FCGRT: variants seen among roughly 807,000 people sequenced by gnomAD.
FCGRT encodes IgG receptor FcRn large subunit p51.
A neutral mutation model predicts 35.7 loss-of-function variants in FCGRT; 13 were observed. That is an observed-to-expected ratio of 0.36 (90% CI 0.24 to 0.58). The LOEUF (loss-of-function observed/expected upper bound fraction) is 0.58, where lower values mean the gene tolerates loss of function less well. Among genes scored for constraint, FCGRT ranks in the 20% least tolerant of loss-of-function variants. The probability of loss-of-function intolerance (pLI) is 0.77; values close to 1 mark genes in which losing one functional copy is unlikely to be tolerated. For synonymous variants in FCGRT, 233 were observed against 216.5 expected (o/e 1.08, Z -0.67); for missense variants, 455 against 474.9 (o/e 0.96, Z 0.39).
At chr19:49,513,209 A>T in intron 1 of FCGRT, 178 bp from the exon 2 acceptor site, 1 of 390,294 alleles carries the variant, frequency 2.6e-6, no homozygotes, top group Non-Finnish European at 4.5e-6. Flanking sequence ...TTAATTAACC[A>T]ACTGAGATCC....
In FCGRT at chr19:49,524,964, C is replaced by T. The variant is rs145726656; in HGVS notation, c.871+188C>T. On this transcript the variant is annotated intron_variant, in intron 5 of 6. Coordinates refer to ENST00000221466, the MANE Select transcript of FCGRT (RefSeq NM_001136019.3). ...GTCCTTCCCAAGGCCAACTGCCTTC[C>T]GTCTCCTGCTGCTTCTGGCCTCACT... is the stretch of plus-strand genomic sequence containing the variant. 5,634 of 705,606 alleles carry T rather than the reference C, an allele frequency of 8.0e-3. 244 individuals carry two copies. Among genetic ancestry groups the T allele is most frequent in the Admixed American group, 0.068 (3,368 of 49,660 alleles). 43.7% of individuals were successfully genotyped at this position (705,606 alleles called of 1,614,324 possible). A position where few individuals can be genotyped will look rare whatever the true frequency, so the allele number is the denominator to read the frequency against.
At chr19:49,525,948 G>A (rs866158230) in intron 6 of FCGRT, 62 bp from the exon 7 acceptor site, 6 of 987,582 alleles carry the variant, frequency 6.1e-6, no homozygotes, top group Admixed American at 1.7e-5. Flanking sequence ...AATGGGGGAC[G>A]CCAGTCAGAC....
In FCGRT at chr19:49,526,194, G is replaced by A; in HGVS notation, c.*75G>A. 1 of 954,610 alleles carries A rather than the reference G, an allele frequency of 1.0e-6. No individual in the cohort carries two copies. The allele number at this position is 954,610 out of a possible 1,614,324, so 59.1% of individuals were successfully genotyped here. ...TGCTGTGAGACCTCCTGGAACACTG[G>A]CATCTCTGAGCCTCCAGAAGGGGTT... On this transcript the variant is annotated 3_prime_UTR_variant, in exon 7 of 7. Transcript: ENST00000221466.
chr19:49,526,146 C>T lies in FCGRT; in HGVS notation c.*27C>T, dbSNP rs956765981. The T allele has an allele frequency of 6.9e-7, 1 of 1,442,656 alleles. No homozygotes were observed. The highest frequency in any genetic ancestry group is 9.8e-7 in the Non-Finnish European group (1 of 1,023,844). 89.4% of individuals were successfully genotyped at this position (1,442,656 alleles called of 1,614,324 possible). A position where few individuals can be genotyped will look rare whatever the true frequency, so the allele number is the denominator to read the frequency against. The stretch of plus-strand genomic sequence containing the variant: ...CATCCGCCATTCCGACTGCTAAAAG[C>T]GAATGTAGTCAGGCCCCTTTCATGC... On this transcript the variant is annotated 3_prime_UTR_variant, in exon 7 of 7. Coordinates refer to ENST00000221466, the MANE Select transcript of FCGRT (RefSeq NM_001136019.3).
At chr19:49,522,459 T>C (rs1472442832) in intron 4 of FCGRT, among the ~76,000 whole-genome samples, 1 of 151,912 alleles carries the variant, frequency 6.6e-6, no homozygotes, top group Non-Finnish European at 1.5e-5. Flanking sequence ...TTTGAGACAG[T>C]CTTGCTCTGT....
At chr19:49,522,924 C>T (rs2080050721) in intron 4 of FCGRT, among the ~76,000 whole-genome samples, 1 of 151,666 alleles carries the variant, frequency 6.6e-6, no homozygotes, top group African/African-American at 2.4e-5. Context: ...ACTACAGGCG[C>T]CGGCCACCAC....
chr19:49,522,135 A>G (rs2080044785), intron 4 of FCGRT, among the ~76,000 whole-genome samples: 1 of 148,842 alleles, frequency 6.7e-6, no homozygotes, highest in South Asian at 2.1e-4. Flanking sequence ...CAGTGGCTAT[A>G]CCCAGGTGTG....
In FCGRT at chr19:49,525,548, G is replaced by C. The variant is rs1187807513; in HGVS notation, c.963G>C (p.Trp321Cys). 6.2e-7 allele frequency: 1 copy of C among 1,613,226 alleles called. No homozygotes were observed. The highest frequency in any genetic ancestry group is 1.1e-5 in the South Asian group (1 of 91,034). Residue 321 changes from tryptophan to cysteine, a missense_variant, in exon 6 of 7, where the codon TGG becomes TGC. By Grantham distance (215) the Trp-to-Cys change is radical. Coordinates refer to ENST00000221466, the MANE Select transcript of FCGRT (RefSeq NM_001136019.3). ...CGGCTGTAGGAGGAGCTCTGTTGTG[G>C]AGAAGGATGAGGAGTGGGCTGCCAG... ...TAAAVGGALL[W>C]RRMRSGLPAP...
intron 4 of FCGRT, 89 bp from the exon 5 acceptor site, chr19:49,524,418 A>G (rs2080060165): frequency 2.1e-6 from 3 of 1,418,102 alleles, no homozygotes; most frequent in Middle Eastern, 2.4e-4. Context: ...GCACAGTGCA[A>G]ACATGGAGGC....
At position 49,524,531 on chromosome 19, in the gene FCGRT, C is replaced by T. The variant is rs1401612604; in HGVS notation, c.626C>T (p.Ala209Val). 2.5e-6 allele frequency: 4 copies of T among 1,610,330 alleles called. No homozygotes were observed. The highest frequency in any genetic ancestry group is 3.4e-6 in the Non-Finnish European group (4 of 1,177,376). ...GAGCCCCCCTCCATGCGCCTGAAGG[C>T]CCGACCCAGCAGCCCTGGCTTTTCC... ...WKEPPSMRLK[A>V]RPSSPGFSVL... Residue 209 changes from alanine (A) to valine (V), a missense_variant, in exon 5 of 7, where the codon GCC (alanine) becomes GTC (valine). Physicochemically the swap from Ala to Val is moderately conservative, Grantham distance 64. Around this residue, in one of 3 missense-constraint regions of FCGRT, gnomAD observed 312 missense variants for 296.1 expected, o/e 1.05. Coordinates refer to ENST00000221466, the MANE Select transcript of FCGRT (RefSeq NM_001136019.3).
chr19:49,513,315 G>T (rs2122658714), intron 1 of FCGRT, 72 bp from the exon 2 acceptor site: 2 of 723,538 alleles, frequency 2.8e-6, no homozygotes, highest in East Asian at 3.4e-5. Context: ...GGTCCCGGCC[G>T]TGCCCGCGGT....
chr19:49,525,700 C>G (rs1385835050), intron 6 of FCGRT, 127 bp downstream of exon 6: 10 of 705,236 alleles, frequency 1.4e-5, no homozygotes, highest in Admixed American at 4.5e-5. Flanking sequence ...GAGACAGAAA[C>G]CCAGAGATGG....
chr19:49,517,306 C>G (rs762441391), intron 4 of FCGRT, among the ~76,000 whole-genome samples: 1 of 152,118 alleles, frequency 6.6e-6, no homozygotes, highest in Non-Finnish European at 1.5e-5. Context: ...GCCTGGCCAA[C>G]AGAGTGAAAC....
intron 4 of FCGRT, 105 bp from the exon 5 acceptor site, chr19:49,524,402 C>T: frequency 9.7e-6 from 12 of 1,233,032 alleles, no homozygotes; most frequent in African/African-American, 3.0e-5. Flanking sequence ...GTATTATCTG[C>T]GGTTAGCACA....
At position 49,513,422 on chromosome 19, in the gene FCGRT, C is replaced by T; in HGVS notation, c.22C>T (p.Pro8Ser). MGVPRPQ[P>S]WALGLLLFLL... Reference sequence around the variant, plus strand: ...CAGCATGGGGGTCCCGCGGCCTCAGCCCTGGGCGCTGGGGCTCCTGCTCTT... The same window carrying T: ...CAGCATGGGGGTCCCGCGGCCTCAGTCCTGGGCGCTGGGGCTCCTGCTCTT... Residue 8 changes from proline (P) to serine (S), a missense_variant, in exon 2 of 7, where the codon CCC becomes TCC. This residue lies in a region of FCGRT where 136 missense variants were observed against 158.9 expected (regional missense o/e 0.86). Coordinates refer to ENST00000221466, the MANE Select transcript of FCGRT (RefSeq NM_001136019.3). 1 of 1,245,702 alleles carries T rather than the reference C, an allele frequency of 8.0e-7. No individual in the cohort carries two copies. Among genetic ancestry groups the T allele is most frequent in the Non-Finnish European group, 1.0e-6 (1 of 988,090 alleles). 77.2% of individuals were successfully genotyped at this position (1,245,702 alleles called of 1,614,324 possible). A position where few individuals can be genotyped will look rare whatever the true frequency, so the allele number is the denominator to read the frequency against.
rs4802614 is a variant in FCGRT at position 49,522,609 on chromosome 19, T to A, written c.602-1898T>A. Among the ~76,000 whole-genome samples the A allele has an allele frequency of 8.7e-3, 1,307 of 151,038 alleles. 7 individuals are homozygous for A. Among genetic ancestry groups the A allele is most frequent in the Non-Finnish European group, 0.014 (952 of 67,756 alleles). On this transcript the variant is annotated intron_variant, in intron 4 of 6. Transcript: ENST00000221466. The stretch of plus-strand genomic sequence containing the variant: ...ACCATGCCTGGCTAATTTTTTTGTA[T>A]TTTTAGTAGAGATGGGATTTCACCA...
At chr19:49,514,610 C>A in intron 4 of FCGRT, 124 bp downstream of exon 4, 1 of 913,920 alleles carries the variant, frequency 1.1e-6, no homozygotes, top group Non-Finnish European at 1.6e-6. Context: ...CCCCCCATTC[C>A]TCAGGGGTCC....
chr19:49,517,257 G>T (rs998420638), intron 4 of FCGRT, among the ~76,000 whole-genome samples: 2 of 152,128 alleles, frequency 1.3e-5, no homozygotes, highest in African/African-American at 4.8e-5. Context: ...TTGGGAGGCC[G>T]AGGTGGGCAG....
At position 49,513,482 on chromosome 19, in the gene FCGRT, C is replaced by A. The variant is rs1177231233; in HGVS notation, c.73+9C>A. The A allele has an allele frequency of 2.4e-6, 3 of 1,242,386 alleles. No individual in the cohort carries two copies. The highest frequency in any genetic ancestry group is 3.0e-6 in the Non-Finnish European group (3 of 988,118). The allele number at this position is 1,242,386 out of a possible 1,614,324, so 77.0% of individuals were successfully genotyped here. A position where few individuals can be genotyped will look rare whatever the true frequency, so the allele number is the denominator to read the frequency against. On this transcript the variant is annotated intron_variant, in intron 2 of 6. Coordinates refer to ENST00000221466, the MANE Select transcript of FCGRT (RefSeq NM_001136019.3). The stretch of plus-strand genomic sequence containing the variant: ...TGGGAGCCTGGGCGCAGGTGAGGGC[C>A]GCTCCGGGCCAGGGCCCTGCTGCAG...
Sources: allele counts gnomAD v4.1 joint callset (sites outside exome capture counted in the v4.1 genomes callset), GRCh38; gene constraint gnomAD v4.1.1; regional missense constraint gnomAD v4.1.1; transcripts MANE v1.5; gene names NCBI Gene and HGNC (gene_info 2026-07-23, HGNC 2026-07-21).